KRAS: variants seen among roughly 807,000 people sequenced by gnomAD.
KRAS encodes KRas proto-oncogene, GTPase, also known as GTPase KRas.
Under a neutral mutation model 21.0 loss-of-function variants are expected in KRAS, and 1 was observed. The ratio of observed to expected loss-of-function variants is 0.05; its 90% CI spans 0.02 to 0.23. The LOEUF (loss-of-function observed/expected upper bound fraction) is 0.23, where lower values mean the gene tolerates loss of function less well. Among genes scored for constraint, KRAS ranks in the 10% least tolerant of loss-of-function variants. KRAS has a pLI of 1.00. For synonymous variants in KRAS, 67 were observed against 72.5 expected (o/e 0.92, Z 0.39); for missense variants, 107 against 221.8 (o/e 0.48, Z 3.29).
intron 2 of KRAS, among the ~76,000 whole-genome samples, chr12:25,238,158 T>G (rs1056253569): frequency 6.6e-6 from 1 of 152,198 alleles, no homozygotes; most frequent in Admixed American, 6.5e-5. Flanking sequence ...ATGGTGAACA[T>G]TAGCTTAGTA....
At chr12:25,224,822 C>T (rs1410673857) in intron 4 of KRAS, among the ~76,000 whole-genome samples, 1 of 152,074 alleles carries the variant, frequency 6.6e-6, no homozygotes, top group East Asian at 1.9e-4. Flanking sequence ...ATGATGTTTG[C>T]ACAATGACAA....
chr12:25,240,796 T>C (rs1013203224), intron 2 of KRAS, among the ~76,000 whole-genome samples: 10 of 152,328 alleles, frequency 6.6e-5, no homozygotes, highest in African/African-American at 2.4e-4. Flanking sequence ...AAAAAAACCA[T>C]GACCAGTAAA....
At position 25,207,974 on chromosome 12, in the gene KRAS, G is replaced by A. The variant is rs1190539332; in HGVS notation, c.*1821C>T. The A allele has an allele frequency of 4.3e-6, 1 of 233,046 alleles. No homozygotes were observed. Among genetic ancestry groups the A allele is most frequent in the Non-Finnish European group, 8.5e-6 (1 of 118,018 alleles). 14.4% of individuals were successfully genotyped at this position (233,046 alleles called of 1,614,324 possible). On this transcript the variant is annotated 3_prime_UTR_variant, in exon 5 of 5. Transcript: ENST00000311936. The stretch of plus-strand genomic sequence containing the variant: ...TCATGGGGCATGTGGAAGGTAGGGA[G>A]GCAAGATGACACTAATATGGAAGAA...
intron 1 of KRAS, among the ~76,000 whole-genome samples, chr12:25,250,084 G>A (rs1442355132): frequency 6.6e-6 from 1 of 152,108 alleles, no homozygotes; most frequent in African/African-American, 2.4e-5. Context: ...GGAGCATTCA[G>A]GAACTCGGAG....
chr12:25,248,101 TC>T (rs1315903238), intron 1 of KRAS, among the ~76,000 whole-genome samples: 1 of 152,006 alleles, frequency 6.6e-6, no homozygotes, highest in Non-Finnish European at 1.5e-5. Flanking sequence ...CCTCAAGCGA[TC>T]CTCCCGCCTC....
At chr12:25,234,426 T>TA (rs1239714580) in intron 2 of KRAS, 5 of 182,722 alleles carry the variant, frequency 2.7e-5, no homozygotes, top group Non-Finnish European at 3.5e-5. Flanking sequence ...TATAAAGCAC[T>TA]AAGAGTGCAC....
chr12:25,217,474 T>A (rs1176135353), intron 4 of KRAS, among the ~76,000 whole-genome samples: 1 of 147,138 alleles, frequency 6.8e-6, no homozygotes, highest in East Asian at 1.9e-4. Flanking sequence ...TACTATCCAG[T>A]GATATATTTA....
At chr12:25,226,730 A>G (rs942133986) in intron 3 of KRAS, among the ~76,000 whole-genome samples, 2 of 152,228 alleles carry the variant, frequency 1.3e-5, no homozygotes, top group African/African-American at 4.8e-5. Flanking sequence ...TAATAGTTTT[A>G]TGCAGCTTTG....
intron 1 of KRAS, among the ~76,000 whole-genome samples, chr12:25,248,318 C>CG (rs1046924105): frequency 3.5e-4 from 54 of 152,114 alleles, no homozygotes; most frequent in African/African-American, 1.3e-3. Flanking sequence ...AGCCCGGTGG[C>CG]GGGAGCCTGT....
At chr12:25,246,715 G>C (rs1202933102) in intron 1 of KRAS, among the ~76,000 whole-genome samples, 1 of 152,026 alleles carries the variant, frequency 6.6e-6, no homozygotes, top group Non-Finnish European at 1.5e-5. Context: ...AGGAGATCAA[G>C]ACCATCCTGG....
At chr12:25,226,392 G>A (rs1452357832) in intron 3 of KRAS, among the ~76,000 whole-genome samples, 1 of 152,146 alleles carries the variant, frequency 6.6e-6, no homozygotes, top group Non-Finnish European at 1.5e-5. Context: ...AGAAGGAGCA[G>A]AGCAGACAAC....
At position 25,208,018 on chromosome 12, in the gene KRAS, G is replaced by A. The variant is rs1299199998; in HGVS notation, c.*1777C>T. The A allele has an allele frequency of 4.3e-6, 1 of 233,064 alleles. No individual in the cohort carries two copies. 14.4% of individuals were successfully genotyped at this position (233,064 alleles called of 1,614,324 possible). ...GGAAGAAGAGTCCTAAAACGAGAAT[G>A]GATATTCAAATATAAACTTCACCTC... On this transcript the variant is annotated 3_prime_UTR_variant, in exon 5 of 5. Coordinates refer to ENST00000311936, the MANE Select transcript of KRAS (RefSeq NM_004985.5).
chr12:25,215,109 A>C lies in KRAS; in HGVS notation c.451-5198T>G. On this transcript the variant is annotated intron_variant, in intron 4 of 4. Coordinates refer to ENST00000311936, the MANE Select transcript of KRAS (RefSeq NM_004985.5). ...TCCCTACTAAAAAAAAAAAAAAAAA[A>C]AAAAAAGCTGCTGATTATCTCAAAA... 3 of 314,666 alleles carry C rather than the reference A, an allele frequency of 9.5e-6. 1 individual carries two copies. The highest frequency in any genetic ancestry group is 4.6e-6 in the Non-Finnish European group (1 of 217,138). 19.5% of individuals were successfully genotyped at this position (314,666 alleles called of 1,614,324 possible). A position where few individuals can be genotyped will look rare whatever the true frequency, so the allele number is the denominator to read the frequency against.
At chr12:25,245,635 C>T (rs1036302135) in intron 1 of KRAS, among the ~76,000 whole-genome samples, 12 of 152,158 alleles carry the variant, frequency 7.9e-5, no homozygotes, top group African/African-American at 2.9e-4. Context: ...TGCATAAATG[C>T]TACATAGACA....
chr12:25,241,272 A>T (rs1951606673), intron 2 of KRAS, among the ~76,000 whole-genome samples: 1 of 152,238 alleles, frequency 6.6e-6, no homozygotes, highest in East Asian at 1.9e-4. Context: ...AATAAAACGA[A>T]TATATTTATA....
At chr12:25,246,408 A>C (rs184976130) in intron 1 of KRAS, among the ~76,000 whole-genome samples, 2 of 152,184 alleles carry the variant, frequency 1.3e-5, no homozygotes, top group African/African-American at 2.4e-5. Flanking sequence ...AAATACAAAA[A>C]TTAATCAGGC....
At chr12:25,220,663 G>T (rs1457043302) in intron 4 of KRAS, among the ~76,000 whole-genome samples, 1 of 150,930 alleles carries the variant, frequency 6.6e-6, no homozygotes, top group Non-Finnish European at 1.5e-5. Flanking sequence ...GGAAGCGGAG[G>T]TTGCAGTGAG....
At position 25,246,946 on chromosome 12, in the gene KRAS, T is replaced by G. The variant is rs964738349; in HGVS notation, c.-11-1551A>C. 5.3e-5 allele frequency among the ~76,000 whole-genome samples: 8 copies of G among 152,050 alleles called. No homozygotes were observed. In the South Asian group the frequency reaches 8.3e-4, roughly 16 times the overall value. ...AAAAAAAGATGCAAGTGAATATATC[T>G]CAGTAATCAGTAATCCATGTGACTG... On this transcript the variant is annotated intron_variant, in intron 1 of 4. Coordinates refer to ENST00000311936, the MANE Select transcript of KRAS (RefSeq NM_004985.5).
rs113376636 is a variant in KRAS at position 25,225,901 on chromosome 12, A to C, written c.291-128T>G. ...GTAATTCCTAGTTTCCACTACACCA[A>C]ATTTTCCTTCCTTCTTCTACTAGTT... On this transcript the variant is annotated intron_variant, in intron 3 of 4. Coordinates refer to ENST00000311936, the MANE Select transcript of KRAS (RefSeq NM_004985.5). 1.1e-3 allele frequency: 910 copies of C among 798,898 alleles called. 8 individuals are homozygous for C. In the African/African-American group the frequency reaches 0.014, roughly 12 times the overall value. The allele number at this position is 798,898 out of a possible 1,614,324, so 49.5% of individuals were successfully genotyped here.
Sources: gnomAD v4.1 joint callset for allele counts (sites outside exome capture counted in the v4.1 genomes callset) on GRCh38, gnomAD v4.1.1 for gene constraint, MANE v1.5 for transcripts, NCBI Gene and HGNC (gene_info 2026-07-23, HGNC 2026-07-21) for gene names.